ARL14EPL: variants seen among roughly 807,000 people sequenced by gnomAD.
ARL14EPL encodes ARF like GTPase 14 effector protein like.
In ARL14EPL, 17 loss-of-function variants were observed where a neutral mutation model predicts 15.9. That is an observed-to-expected ratio of 1.07 (90% CI 0.73 to 1.60). ARL14EPL has a LOEUF of 1.60. Ranked by LOEUF, ARL14EPL falls within the 40% of genes most tolerant of loss-of-function variation. The pLI is 0.00. For missense variants in ARL14EPL, 214 were observed against 185.9 expected, an observed-to-expected ratio of 1.15 and a Z score of -0.88; for synonymous variants, 78 against 63.8, an observed-to-expected ratio of 1.22 and a Z score of -1.06.
Position 116,054,244 on chromosome 5 carries a change from T to G in ARL14EPL, c.236+91T>G. On this transcript the variant is annotated intron_variant, in intron 3 of 3. Coordinates refer to ENST00000686077, the MANE Select transcript of ARL14EPL (RefSeq NM_001195581.2). ...GCAATGAAAGATTCCCTCTTTTTAT[T>G]ATTTATTATTTAAAAATATCTCCTC... 3 of 1,302,164 alleles carry G rather than the reference T, an allele frequency of 2.3e-6. No individual in the cohort carries two copies. The South Asian group carries it at 5.2e-5, about 22-fold the overall frequency. The allele number at this position is 1,302,164 out of a possible 1,614,324, so 80.7% of individuals were successfully genotyped here.
chr5:116,055,057 T>C (rs564895746), intron 3 of ARL14EPL, among the ~76,000 whole-genome samples: 3 of 152,116 alleles, frequency 2.0e-5, no homozygotes, highest in East Asian at 1.9e-4. Flanking sequence ...AATATCCTAA[T>C]AGACAAATTA....
At position 116,057,679 on chromosome 5, in the gene ARL14EPL, G is replaced by T. The variant is rs375569280; in HGVS notation, c.237-1046G>T. ...TTAGAAGGCATTCTTGCTAAAGCGT[G>T]ATCATCAGGCAGCAAGTACACATAA... is the stretch of plus-strand genomic sequence containing the variant. On this transcript the variant is annotated intron_variant, in intron 3 of 3. Transcript: ENST00000686077. 2.6e-4 allele frequency among the ~76,000 whole-genome samples: 39 copies of T among 152,308 alleles called. No homozygotes were observed. In the East Asian group the frequency reaches 3.1e-3, roughly 12 times the overall value.
At chr5:116,058,258 T>C (rs1446018130) in intron 3 of ARL14EPL, among the ~76,000 whole-genome samples, 2 of 152,236 alleles carry the variant, frequency 1.3e-5, no homozygotes, top group African/African-American at 4.8e-5. Context: ...GTTCTAATTT[T>C]AGGTAACAAA....
chr5:116,053,446 T>C (rs1014332906), intron 2 of ARL14EPL, among the ~76,000 whole-genome samples: 1 of 151,978 alleles, frequency 6.6e-6, no homozygotes, highest in Non-Finnish European at 1.5e-5. Flanking sequence ...GCAATATTTC[T>C]CTTGTTCCAA....
intron 1 of ARL14EPL, among the ~76,000 whole-genome samples, chr5:116,046,999 C>T (rs945918437): frequency 2.6e-5 from 4 of 152,142 alleles, no homozygotes; most frequent in Non-Finnish European, 4.4e-5. Flanking sequence ...TGAGGACTTA[C>T]TAAGAAGCAG....
At chr5:116,037,817 C>T (rs1321968184) in intron 1 of ARL14EPL, among the ~76,000 whole-genome samples, 1 of 152,068 alleles carries the variant, frequency 6.6e-6, no homozygotes, top group East Asian at 1.9e-4. Flanking sequence ...TGTTTTCTTA[C>T]CTGCACACAA....
intron 1 of ARL14EPL, among the ~76,000 whole-genome samples, chr5:116,038,381 T>C (rs1749087362): frequency 6.6e-6 from 1 of 151,988 alleles, no homozygotes; most frequent in Admixed American, 6.6e-5. Flanking sequence ...GATTACACAA[T>C]GGTGATTTTA....
At chr5:116,047,021 G>T (rs1296530371) in intron 1 of ARL14EPL, among the ~76,000 whole-genome samples, 1 of 152,186 alleles carries the variant, frequency 6.6e-6, no homozygotes, top group African/African-American at 2.4e-5. Flanking sequence ...CAGCCTGCAA[G>T]CCAGAAAGAG....
intron 1 of ARL14EPL, among the ~76,000 whole-genome samples, chr5:116,037,052 C>G (rs976706633): frequency 2.0e-5 from 3 of 152,142 alleles, no homozygotes; most frequent in Admixed American, 2.0e-4. Flanking sequence ...CTAGGGACCT[C>G]TTGGAAGTAT....
At chr5:116,051,960 T>G in intron 2 of ARL14EPL, 2 of 1,611,704 alleles carry the variant, frequency 1.2e-6, no homozygotes, top group Non-Finnish European at 1.7e-6. Flanking sequence ...GTATTTCTGG[T>G]GTAAATTACT....
chr5:116,045,421 G>A (rs577443101), intron 1 of ARL14EPL, among the ~76,000 whole-genome samples: 209 of 152,284 alleles, frequency 1.4e-3, no homozygotes, highest in Non-Finnish European at 2.3e-3. Context: ...TCCATTGGTG[G>A]AGGGGGGTAA....
intron 3 of ARL14EPL, among the ~76,000 whole-genome samples, chr5:116,054,378 G>A (rs1036940300): frequency 4.6e-5 from 7 of 152,144 alleles, no homozygotes; most frequent in East Asian, 3.8e-4. Flanking sequence ...TTCAATAGCC[G>A]TGTAATAGAG....
chr5:116,058,826 C>G lies in ARL14EPL; in HGVS notation c.338C>G (p.Pro113Arg), dbSNP rs867839133. 1.2e-5 allele frequency: 18 copies of G among 1,535,944 alleles called. 1 individual carries two copies. In the Middle Eastern group the frequency reaches 8.4e-4, roughly 71 times the overall value. Residue 113 changes from proline to arginine, a missense_variant, in exon 4 of 4, where the codon CCG becomes CGG. By Grantham distance (103) the Pro-to-Arg change is moderately radical (BLOSUM62 -2). Coordinates refer to ENST00000686077, the MANE Select transcript of ARL14EPL (RefSeq NM_001195581.2). Reference sequence around the variant, plus strand: ...TGCCTGGGCTGCTTCTACCCATGCCCGAAGTGTAACTCCAACAAGTGTGGG... The same window carrying G: ...TGCCTGGGCTGCTTCTACCCATGCCGGAAGTGTAACTCCAACAAGTGTGGG... ...KNCLGCFYPC[P>R]KCNSNKCGPE...
intron 2 of ARL14EPL, chr5:116,052,412 G>A: frequency 1.5e-6 from 1 of 649,378 alleles, no homozygotes. Context: ...CTCTAAAACT[G>A]TATGTATTAA....
At chr5:116,044,328 C>G (rs1749223465) in intron 1 of ARL14EPL, among the ~76,000 whole-genome samples, 1 of 152,080 alleles carries the variant, frequency 6.6e-6, no homozygotes, top group Non-Finnish European at 1.5e-5. Context: ...TATCCAAACC[C>G]TGGTGGCAGA....
chr5:116,051,417 T>G (rs780633684), intron 1 of ARL14EPL, 40 bp from the exon 2 acceptor site: 239 of 1,201,434 alleles, frequency 2.0e-4, no homozygotes, highest in Non-Finnish European at 2.6e-4. Flanking sequence ...TGGAGATAGA[T>G]GATATTAATA....
chr5:116,052,114 G>A (rs1561580070), intron 2 of ARL14EPL: 1 of 1,612,806 alleles, frequency 6.2e-7, no homozygotes, highest in Non-Finnish European at 8.5e-7. Flanking sequence ...CTTCCTTACA[G>A]AGTTTGTCAT....
At chr5:116,037,328 C>T (rs1191001080) in intron 1 of ARL14EPL, among the ~76,000 whole-genome samples, 1 of 152,238 alleles carries the variant, frequency 6.6e-6, no homozygotes, top group Non-Finnish European at 1.5e-5. Flanking sequence ...TGACACACAG[C>T]TTGTCCACTT....
rs1183315550 is a variant in ARL14EPL at position 116,051,604 on chromosome 5, C to T, written c.96+43C>T. 2.1e-6 allele frequency: 3 copies of T among 1,451,336 alleles called. No individual in the cohort carries two copies. In the African/African-American group the frequency reaches 4.3e-5, roughly 21 times the overall value. The allele number at this position is 1,451,336 out of a possible 1,614,324, so 89.9% of individuals were successfully genotyped here. A position where few individuals can be genotyped will look rare whatever the true frequency, so the allele number is the denominator to read the frequency against. On this transcript the variant is annotated intron_variant, in intron 2 of 3. Coordinates refer to ENST00000686077, the MANE Select transcript of ARL14EPL (RefSeq NM_001195581.2). Reference sequence around the variant, plus strand: ...TATGATTCCATGCTACTGGGGAGTGCCCCCTCGAGGATCTCTGAGATGCCC... The same window carrying T: ...TATGATTCCATGCTACTGGGGAGTGTCCCCTCGAGGATCTCTGAGATGCCC...
Sources: allele counts gnomAD v4.1 joint callset (sites outside exome capture counted in the v4.1 genomes callset), GRCh38; gene constraint gnomAD v4.1.1; transcripts MANE v1.5; gene names NCBI Gene and HGNC (gene_info 2026-07-23, HGNC 2026-07-21).